DAAM1: variants seen among roughly 807,000 people sequenced by gnomAD.
DAAM1 encodes disheveled-associated activator of morphogenesis 1.
Under a neutral mutation model 130.0 loss-of-function variants are expected in DAAM1, and 52 were observed. That is an observed-to-expected ratio of 0.40 (90% CI 0.32 to 0.50). The LOEUF (loss-of-function observed/expected upper bound fraction) is 0.50. Ranked by LOEUF, DAAM1 falls within the 20% of genes least tolerant of loss-of-function variation. The pLI is 0.61. For synonymous variants in DAAM1, 452 were observed against 444.5 expected, an observed-to-expected ratio of 1.02 and a Z score of -0.21; for missense variants, 1,134 against 1,303.8, an observed-to-expected ratio of 0.87 and a Z score of 2.01.
chr14:59,274,049 T>C (rs1882843362), intron 2 of DAAM1, among the ~76,000 whole-genome samples: 1 of 152,218 alleles, frequency 6.6e-6, no homozygotes. Context: ...TCTTGGTGCG[T>C]GTTACAAGAG....
At chr14:59,234,606 A>G (rs556509454) in intron 1 of DAAM1, among the ~76,000 whole-genome samples, 121 of 152,264 alleles carry the variant, frequency 7.9e-4, no homozygotes, top group Non-Finnish European at 1.5e-3. Flanking sequence ...TTCCTATTTG[A>G]ATACCCTTTA....
chr14:59,236,886 C>A (rs934509938), intron 1 of DAAM1, among the ~76,000 whole-genome samples: 1 of 152,036 alleles, frequency 6.6e-6, no homozygotes, highest in African/African-American at 2.4e-5. Context: ...TAATGGAGAG[C>A]AGGGATCAGC....
At chr14:59,358,062 G>A (rs1425885007) in intron 20 of DAAM1, among the ~76,000 whole-genome samples, 1 of 152,174 alleles carries the variant, frequency 6.6e-6, no homozygotes, top group African/African-American at 2.4e-5. Flanking sequence ...TTTTTTAAAG[G>A]AATGTATTTT....
At chr14:59,220,543 G>A (rs1403310663) in intron 1 of DAAM1, among the ~76,000 whole-genome samples, 1 of 152,186 alleles carries the variant, frequency 6.6e-6, no homozygotes, top group Non-Finnish European at 1.5e-5. Flanking sequence ...CAAGGAAACA[G>A]GACCAATAGG....
chr14:59,363,600 C>T (rs758877976), intron 22 of DAAM1, 51 bp from the exon 23 acceptor site: 4 of 1,610,718 alleles, frequency 2.5e-6, no homozygotes, highest in Non-Finnish European at 3.4e-6. Flanking sequence ...AGGTGTGTCT[C>T]ATGTCTGTAT....
At chr14:59,361,037 A>G (rs1886685933) in intron 22 of DAAM1, among the ~76,000 whole-genome samples, 175 bp downstream of exon 22, 1 of 152,208 alleles carries the variant, frequency 6.6e-6, no homozygotes, top group Non-Finnish European at 1.5e-5. Context: ...CAGCCTGGCA[A>G]CTTGATTGCA....
intron 16 of DAAM1, among the ~76,000 whole-genome samples, chr14:59,345,931 A>G (rs1298872298): frequency 2.0e-5 from 3 of 152,202 alleles, no homozygotes; most frequent in South Asian, 2.1e-4. Context: ...CATACTAAGC[A>G]CTGTTTAATG....
At chr14:59,294,668 A>G (rs1045118027) in intron 3 of DAAM1, among the ~76,000 whole-genome samples, 1 of 151,912 alleles carries the variant, frequency 6.6e-6, no homozygotes, top group Non-Finnish European at 1.5e-5. Flanking sequence ...TTTAAAGGTA[A>G]TTCCCTTTTT....
At chr14:59,192,938 A>T (rs1887774850) in intron 1 of DAAM1, among the ~76,000 whole-genome samples, 2 of 152,226 alleles carry the variant, frequency 1.3e-5, no homozygotes, top group African/African-American at 4.8e-5. Flanking sequence ...CTGTAGTCCC[A>T]GTTACTCAGG....
chr14:59,338,804 G>GTGTTAAATTTTTGCACAGGCCCACA (rs1885732797), intron 15 of DAAM1, among the ~76,000 whole-genome samples: 1 of 151,964 alleles, frequency 6.6e-6, no homozygotes, highest in African/African-American at 2.4e-5. Flanking sequence ...AAGGCTTGAT[G>GTGTTAAATTTTTGCACAGGCCCACA]GTGTATATAA....
rs952190031 is a variant in DAAM1 at position 59,232,364 on chromosome 14, G to T, written c.-37-31077G>T. Among the ~76,000 whole-genome samples the T allele has an allele frequency of 3.9e-5, 6 of 152,236 alleles. No individual in the cohort carries two copies. In the South Asian group the frequency reaches 1.2e-3, roughly 32 times the overall value. On this transcript the variant is annotated intron_variant, in intron 1 of 24. Coordinates refer to ENST00000360909, the MANE Select transcript of DAAM1 (RefSeq NM_001270520.2). The stretch of plus-strand genomic sequence containing the variant: ...AGAACCTCTCTGTCTTAGCCTTCCT[G>T]CAGAAGACCTTTGACTTCCTTTATT...
chr14:59,359,679 ATGTT>A (rs780882482), intron 21 of DAAM1, among the ~76,000 whole-genome samples, 175 bp downstream of exon 21: 79 of 152,356 alleles, frequency 5.2e-4, no homozygotes, highest in Non-Finnish European at 7.2e-4. Flanking sequence ...TTTTGAATAT[ATGTT>A]TGTTCTAGCT....
At chr14:59,327,508 C>T (rs1231006922) in intron 12 of DAAM1, among the ~76,000 whole-genome samples, 5 of 145,938 alleles carry the variant, frequency 3.4e-5, no homozygotes, top group African/African-American at 1.3e-4. Context: ...CCTAAGTTCA[C>T]GTCATTCTCC....
chr14:59,302,515 A>G (rs925949448), intron 3 of DAAM1, among the ~76,000 whole-genome samples: 2 of 152,186 alleles, frequency 1.3e-5, no homozygotes, highest in African/African-American at 4.8e-5. Context: ...TTGGTGCTGC[A>G]CCATGGGAAG....
chr14:59,277,719 A>G (rs541344385), intron 2 of DAAM1, among the ~76,000 whole-genome samples: 1 of 152,188 alleles, frequency 6.6e-6, no homozygotes, highest in South Asian at 2.1e-4. Context: ...TGAAAAAAAA[A>G]TTCTCTGACC....
chr14:59,360,806 A>T lies in DAAM1; in HGVS notation c.2638A>T (p.Thr880Ser). ...AAACATTGCTATTTACAACAGCATG[A>T]CTGAGCTGGACAAAGAAATAAGTAC... Reference protein sequence around the residue: ...DIPQAAKVNMTELDKEISTLR... With the variant: ...DIPQAAKVNMSELDKEISTLR... The change falls in exon 22 of 25, where the codon ACT becomes TCT. Residue 880 changes from threonine to serine, a missense_variant. By Grantham distance (58) the Thr-to-Ser change is moderately conservative. This residue lies in a region of DAAM1 where 644 missense variants were observed against 695.9 expected (regional missense o/e 0.93). Transcript: ENST00000360909. 6.2e-7 allele frequency: 1 copy of T among 1,613,744 alleles called. No homozygotes were observed. Among genetic ancestry groups the T allele is most frequent in the Non-Finnish European group, 8.5e-7 (1 of 1,179,816 alleles).
intron 15 of DAAM1, among the ~76,000 whole-genome samples, chr14:59,339,725 G>A (rs973592715): frequency 6.6e-6 from 1 of 152,346 alleles, no homozygotes. Context: ...CTGATTCATA[G>A]TGACAGTTCT....
At chr14:59,339,577 T>G (rs568076489) in intron 15 of DAAM1, among the ~76,000 whole-genome samples, 1 of 152,274 alleles carries the variant, frequency 6.6e-6, no homozygotes, top group South Asian at 2.1e-4. Context: ...CCATCTGGCT[T>G]TGGGAGCTTC....
intron 1 of DAAM1, among the ~76,000 whole-genome samples, chr14:59,200,107 A>C (rs1469941794): frequency 6.6e-6 from 1 of 152,222 alleles, no homozygotes; most frequent in African/African-American, 2.4e-5. Context: ...CTTTAGGGTC[A>C]CTTCTCCATT....
Sources: allele counts gnomAD v4.1 joint callset (sites outside exome capture counted in the v4.1 genomes callset), GRCh38; gene constraint gnomAD v4.1.1; regional missense constraint gnomAD v4.1.1; transcripts MANE v1.5; gene names NCBI Gene and HGNC (gene_info 2026-07-23, HGNC 2026-07-21).